The following RLIM variants were observed in gnomAD, a reference collection of about 807,000 sequenced individuals.
RLIM encodes E3 ubiquitin-protein ligase RLIM.
In RLIM, 2 loss-of-function variants were observed where a neutral mutation model predicts 34.0. The observed-to-expected ratio is 0.06, with a 90% CI of 0.02 to 0.19. The LOEUF (loss-of-function observed/expected upper bound fraction) is 0.19, where lower values mean the gene tolerates loss of function less well. RLIM is among the 10% of genes least tolerant of loss of function. RLIM has a pLI of 1.00. For synonymous variants in RLIM, 169 were observed against 164.0 expected, an observed-to-expected ratio of 1.03 and a Z score of -0.23; for missense variants, 286 against 479.7, an observed-to-expected ratio of 0.60 and a Z score of 3.77.
intron 2 of RLIM, among the ~76,000 whole-genome samples, chrX:74,594,897 TAAA>T (rs1169273208): frequency 1.7e-5 from 1 of 59,723 alleles, no homozygotes; most frequent in Non-Finnish European, 3.0e-5. Flanking sequence ...AGACTCTGCT[TAAA>T]AAAAAAAAAA....
At chrX:74,595,766 C>A in intron 2 of RLIM, 43 bp downstream of exon 2, 2 of 999,718 alleles carry the variant, frequency 2.0e-6, no homozygotes, top group African/African-American at 1.9e-5. Context: ...TTTTTTAAAC[C>A]AGCAACTTAC....
chrX:74,594,367 C>T lies in RLIM; in HGVS notation c.192G>A (p.Leu64=). 2.5e-6 allele frequency: 3 copies of T among 1,206,234 alleles called. No homozygotes were observed. The highest frequency in any genetic ancestry group is 3.4e-6 in the Non-Finnish European group (3 of 892,675). The change falls in exon 3 of 4, where the codon TTG becomes TTA. Residue 64 remains leucine (L), a synonymous_variant. Coordinates refer to ENST00000332687, the MANE Select transcript of RLIM (RefSeq NM_016120.4). ...GTPGESTEEE[L]LRRLQQIKEG... ...CTTTAATTTGCTGTAGTCGTCTCAGCAACTCTTCCTCAGTACTTTCACCTG... is the reference window on the plus strand; with the variant it reads ...CTTTAATTTGCTGTAGTCGTCTCAGTAACTCTTCCTCAGTACTTTCACCTG...
At chrX:74,600,850 TAAA>T (rs1242204233) in intron 1 of RLIM, among the ~76,000 whole-genome samples, 1 of 71,222 alleles carries the variant, frequency 1.4e-5, no homozygotes, top group Non-Finnish European at 2.7e-5. Flanking sequence ...CATCTCTACT[TAAA>T]AAAAAAAAAA....
intron 1 of RLIM, among the ~76,000 whole-genome samples, chrX:74,601,768 T>A (rs1259170964): frequency 8.9e-6 from 1 of 111,942 alleles, no homozygotes; most frequent in African/African-American, 3.3e-5. Context: ...TTTTTCTTCC[T>A]ATTAAGAAGA....
chrX:74,590,497 A>G lies in RLIM; in HGVS notation c.*943T>C, dbSNP rs1193747594. On this transcript the variant is annotated 3_prime_UTR_variant, in exon 4 of 4. Transcript: ENST00000332687. ...TATACAATTTCCACTGGTCTTCAAC[A>G]CGGTTTAATTCTGCACTGTCCTTTC... The G allele has an allele frequency of 8.9e-6, 1 of 112,526 alleles. No individual in the cohort carries two copies. The highest frequency in any genetic ancestry group is 1.9e-5 in the Non-Finnish European group (1 of 53,252). The allele number at this position is 112,526 out of a possible 1,213,427, so 9.3% of individuals were successfully genotyped here.
At position 74,586,313 on chromosome X, in the gene RLIM, T is replaced by C. The variant is rs1172682399; in HGVS notation, c.*5127A>G. The C allele has an allele frequency of 2.7e-5, 3 of 111,923 alleles. No individual in the cohort carries two copies. In the East Asian group the frequency reaches 8.3e-4, roughly 31 times the overall value. The allele number at this position is 111,923 out of a possible 1,213,427, so 9.2% of individuals were successfully genotyped here. ...GTTCAACCATACCTTGGTATTGAAA[T>C]AATTCTGCAAGATGAGGAACTTACA... On this transcript the variant is annotated 3_prime_UTR_variant, in exon 4 of 4. Transcript: ENST00000332687.
At chrX:74,610,454 CAAACAAAA>C (rs2079704525) in intron 1 of RLIM, among the ~76,000 whole-genome samples, 1 of 91,632 alleles carries the variant, frequency 1.1e-5, no homozygotes, top group Non-Finnish European at 2.1e-5. Context: ...AACAAACAAA[CAAACAAAA>C]AAAACCAAAA....
At chrX:74,610,780 C>T (rs2079706736) in intron 1 of RLIM, among the ~76,000 whole-genome samples, 1 of 109,750 alleles carries the variant, frequency 9.1e-6, no homozygotes, top group Non-Finnish European at 1.9e-5. Flanking sequence ...CTCCCAGCTA[C>T]TTGGGAGGCT....
intron 1 of RLIM, among the ~76,000 whole-genome samples, chrX:74,610,430 AAAAC>A (rs753804272): frequency 0.059 from 6,146 of 104,709 alleles, 395 homozygotes; most frequent in African/African-American, 0.17. Flanking sequence ...TCCTAACCAA[AAAAC>A]AAACAAACAA....
At chrX:74,594,423 TA>T (rs1602163223) in intron 2 of RLIM, 34 bp from the exon 3 acceptor site, 1 of 975,689 alleles carries the variant, frequency 1.0e-6, no homozygotes. Context: ...AAGATGACAT[TA>T]GGGGTATGAC....
At chrX:74,610,870 A>G (rs1404362261) in intron 1 of RLIM, among the ~76,000 whole-genome samples, 1 of 110,226 alleles carries the variant, frequency 9.1e-6, no homozygotes, top group Non-Finnish European at 1.9e-5. Context: ...AGCCTGGGCG[A>G]CAGAGTGAGA....
At position 74,583,799 on chromosome X, in the gene RLIM, C is replaced by T. The variant is rs1931279100; in HGVS notation, c.*7641G>A. 9.0e-6 allele frequency among the ~76,000 whole-genome samples: 1 copy of T among 111,491 alleles called. No individual in the cohort carries two copies. Among genetic ancestry groups the T allele is most frequent in the South Asian group, 3.8e-4 (1 of 2,657 alleles). On this transcript the variant is annotated 3_prime_UTR_variant, in exon 4 of 4. Coordinates refer to ENST00000332687, the MANE Select transcript of RLIM (RefSeq NM_016120.4). ...GTGGTGGCTCACGCCTGTAATACCA[C>T]CACTGTGGGAGGCCGAGACGGGCAG...
At chrX:74,593,198 T>A (rs964159473) in intron 3 of RLIM, 137 bp from the exon 4 acceptor site, 6 of 624,653 alleles carry the variant, frequency 9.6e-6, no homozygotes, top group Non-Finnish European at 1.4e-5. Flanking sequence ...TTTTACAAAC[T>A]ATACTGCATA....
In RLIM at chrX:74,583,482, A is replaced by ACAGCAGGAGTAGCTG. The variant is rs1314006052; in HGVS notation, c.*7943_*7957dup. On this transcript the variant is annotated 3_prime_UTR_variant, in exon 4 of 4. Coordinates refer to ENST00000332687, the MANE Select transcript of RLIM (RefSeq NM_016120.4). The stretch of plus-strand genomic sequence containing the variant: ...ATATTTATACTGTGGAACGGTGCGG[A>ACAGCAGGAGTAGCTG]CAGCAGGAGTAGCTGCAGCAGCTGT... 1 of 656,876 alleles carries ACAGCAGGAGTAGCTG rather than the reference A, an allele frequency of 1.5e-6. No individual in the cohort carries two copies. Among genetic ancestry groups the ACAGCAGGAGTAGCTG allele is most frequent in the South Asian group, 2.2e-5 (1 of 46,416 alleles). 54.1% of individuals were successfully genotyped at this position (656,876 alleles called of 1,213,427 possible). A position where few individuals can be genotyped will look rare whatever the true frequency, so the allele number is the denominator to read the frequency against.
In RLIM at chrX:74,614,604, G is replaced by A. The variant is rs1047390039; in HGVS notation, c.-206C>T. ...CCATTATCTTCCCCATTGTTACCAA[G>A]CAGCGACAGGAAACGACTGCCCACA... On this transcript the variant is annotated 5_prime_UTR_variant, in exon 1 of 4. Transcript: ENST00000332687. 1 of 112,074 alleles carries A rather than the reference G, an allele frequency of 8.9e-6. No individual in the cohort carries two copies. 9.2% of individuals were successfully genotyped at this position (112,074 alleles called of 1,213,427 possible).
At chrX:74,606,937 A>G (rs1336420286) in intron 1 of RLIM, among the ~76,000 whole-genome samples, 1 of 110,381 alleles carries the variant, frequency 9.1e-6, no homozygotes, top group East Asian at 2.8e-4. Context: ...GGAGTTCAAA[A>G]CCAGCCTGGG....
intron 1 of RLIM, among the ~76,000 whole-genome samples, chrX:74,598,757 C>A (rs1204905700): frequency 4.2e-5 from 4 of 94,385 alleles, no homozygotes; most frequent in South Asian, 5.4e-4. Flanking sequence ...CCTGCCTGTG[C>A]GACACAGTGA....
intron 1 of RLIM, among the ~76,000 whole-genome samples, chrX:74,608,710 G>GC (rs766556951): frequency 4.5e-5 from 5 of 112,185 alleles, no homozygotes; most frequent in African/African-American, 1.6e-4. Context: ...CCTCATGTAC[G>GC]CACCGACTTG....
intron 1 of RLIM, among the ~76,000 whole-genome samples, chrX:74,611,310 CATATA>C (rs780876723): frequency 1.8e-4 from 20 of 112,073 alleles, no homozygotes; most frequent in Admixed American, 3.8e-4. Context: ...AATTAATGTA[CATATA>C]ATATAATTCC....
Sources: gnomAD v4.1 joint callset for allele counts (sites outside exome capture counted in the v4.1 genomes callset) on GRCh38, gnomAD v4.1.1 for gene constraint, MANE v1.5 for transcripts, NCBI Gene and HGNC (gene_info 2026-07-23, HGNC 2026-07-21) for gene names.